Variants in ZNF774 observed in about 807,000 individuals in gnomAD.
The protein encoded by ZNF774 is zinc finger protein 774.
A neutral mutation model predicts 11.1 loss-of-function variants in ZNF774; 14 were observed. That is an observed-to-expected ratio of 1.26 (90% CI 0.83 to 1.97). The LOEUF is 1.97. Among genes scored for constraint, ZNF774 ranks in the 30% most tolerant of loss-of-function variants. ZNF774 has a pLI of 0.00. For missense variants in ZNF774, 599 were observed against 587.0 expected (o/e 1.02, Z -0.21); for synonymous variants, 195 against 212.6 (o/e 0.92, Z 0.72).
At position 90,360,588 on chromosome 15, in the gene ZNF774, C is replaced by G. The variant is rs140260727; in HGVS notation, c.757C>G (p.His253Asp). The G allele has an allele frequency of 1.5e-5, 24 of 1,613,980 alleles. No individual in the cohort carries two copies. The highest frequency in any genetic ancestry group is 1.9e-5 in the Non-Finnish European group (22 of 1,180,018). Residue 253 changes from histidine to aspartate, a missense_variant, in exon 4 of 4, where the codon CAC (histidine) becomes GAC (aspartate). Physicochemically the swap from His to Asp is moderately conservative, Grantham distance 81. Transcript: ENST00000354377. ...TGGGCGGAAGCCACACCTCATAATG[C>G]ACCAAAGAACCCACACAGGCGAGAA... ...TFGRKPHLIM[H>D]QRTHTGEKPY...
At position 90,360,597 on chromosome 15, in the gene ZNF774, A is replaced by G; in HGVS notation, c.766A>G (p.Thr256Ala). ...GCCACACCTCATAATGCACCAAAGA[A>G]CCCACACAGGCGAGAAGCCCTACGC... ...RKPHLIMHQR[T>A]HTGEKPYACL... is the part of the protein sequence containing the mutation. The change falls in exon 4 of 4, where the codon ACC (threonine) becomes GCC (alanine). Residue 256 changes from threonine to alanine, a missense_variant. Physicochemically the swap from Thr to Ala is moderately conservative, Grantham distance 58. Transcript: ENST00000354377. 6.2e-7 allele frequency: 1 copy of G among 1,614,152 alleles called. No homozygotes were observed. Among genetic ancestry groups the G allele is most frequent in the Non-Finnish European group, 8.5e-7 (1 of 1,180,030 alleles).
chr15:90,355,855 C>G (rs1964238914), intron 2 of ZNF774, among the ~76,000 whole-genome samples: 1 of 150,956 alleles, frequency 6.6e-6, no homozygotes, highest in Non-Finnish European at 1.5e-5. Flanking sequence ...ATGGTGAAAC[C>G]CCGTCTTACT....
rs1964351972 is a variant in ZNF774 at position 90,362,601 on chromosome 15, A to T, written c.*1318A>T. ...ACATTCAATTGAAATAAATTGAGGG[A>T]CGGCAAGTGTGTTGGAAAGAACACC... is the stretch of plus-strand genomic sequence containing the variant. On this transcript the variant is annotated 3_prime_UTR_variant, in exon 4 of 4. Transcript: ENST00000354377. 6.5e-7 allele frequency: 1 copy of T among 1,534,050 alleles called. No homozygotes were observed. Among genetic ancestry groups the T allele is most frequent in the South Asian group, 1.2e-5 (1 of 84,024 alleles).
At chr15:90,357,883 T>G (rs892839953) in intron 2 of ZNF774, among the ~76,000 whole-genome samples, 1 of 149,764 alleles carries the variant, frequency 6.7e-6, no homozygotes, top group Non-Finnish European at 1.5e-5. Context: ...CAATGGATCT[T>G]ATTCTTATCC....
chr15:90,361,443 A>C lies in ZNF774; in HGVS notation c.*160A>C. 5 of 1,436,194 alleles carry C rather than the reference A, an allele frequency of 3.5e-6. No individual in the cohort carries two copies. The highest frequency in any genetic ancestry group is 4.5e-6 in the Non-Finnish European group (5 of 1,100,376). The allele number at this position is 1,436,194 out of a possible 1,614,324, so 89.0% of individuals were successfully genotyped here. ...GTTATAACAGAGAGGATAAACTTAA[A>C]GGGTCCAAATAACGGTCCGAATACA... On this transcript the variant is annotated 3_prime_UTR_variant, in exon 4 of 4. Coordinates refer to ENST00000354377, the MANE Select transcript of ZNF774 (RefSeq NM_001004309.3).
rs776864908 is a variant in ZNF774, at chr15:90,360,360, A to T, written c.529A>T (p.Arg177Trp). ...ACACCTAAGAACCCACACTGGCGAG[A>T]GGCCCTATACGTGCATTGAGTGTGG... ...IRHLRTHTGE[R>W]PYTCIECGKG... The change falls in exon 4 of 4, where the codon AGG (arginine) becomes TGG (tryptophan). Residue 177 changes from arginine (R) to tryptophan (W), a missense_variant. Coordinates refer to ENST00000354377, the MANE Select transcript of ZNF774 (RefSeq NM_001004309.3). The T allele has an allele frequency of 6.2e-7, 1 of 1,614,180 alleles. No individual in the cohort carries two copies. The highest frequency in any genetic ancestry group is 1.7e-5 in the Admixed American group (1 of 60,016).
In ZNF774 at chr15:90,360,578, C is replaced by G. The variant is rs1213966170; in HGVS notation, c.747C>G (p.His249Gln). 1.2e-6 allele frequency: 2 copies of G among 1,612,634 alleles called. No homozygotes were observed. The highest frequency in any genetic ancestry group is 1.7e-6 in the Non-Finnish European group (2 of 1,179,650). ...GAAAGACTTTTGGGCGGAAGCCACACCTCATAATGCACCAAAGAACCCACA... is the reference window on the plus strand; with the variant it reads ...GAAAGACTTTTGGGCGGAAGCCACAGCTCATAATGCACCAAAGAACCCACA... ...ECGKTFGRKP[H>Q]LIMHQRTHTG... is the part of the protein sequence containing the mutation. The change falls in exon 4 of 4, where the codon CAC becomes CAG. Residue 249 changes from histidine to glutamine, a missense_variant. Physicochemically the swap from His to Gln is conservative, Grantham distance 24. Transcript: ENST00000354377.
intron 1 of ZNF774, among the ~76,000 whole-genome samples, chr15:90,354,339 G>C (rs1964215040): frequency 6.6e-6 from 1 of 152,190 alleles, no homozygotes; most frequent in Non-Finnish European, 1.5e-5. Flanking sequence ...TCTCTCCTTT[G>C]TTTACCTTGT....
At position 90,362,634 on chromosome 15, in the gene ZNF774, T is replaced by C. The variant is rs1372984846; in HGVS notation, c.*1351T>C. 4.7e-6 allele frequency: 7 copies of C among 1,492,164 alleles called. No individual in the cohort carries two copies. Among genetic ancestry groups the C allele is most frequent in the African/African-American group, 2.8e-5 (2 of 72,098 alleles). 92.4% of individuals were successfully genotyped at this position (1,492,164 alleles called of 1,614,324 possible). On this transcript the variant is annotated 3_prime_UTR_variant, in exon 4 of 4. Transcript: ENST00000354377. ...TGTGTTGGAAAGAACACCGACTTCA[T>C]TGAGAAGGTAAAGTATTTGAGTCCT...
chr15:90,356,994 GT>G (rs1456454954), intron 2 of ZNF774, among the ~76,000 whole-genome samples: 1 of 150,166 alleles, frequency 6.7e-6, no homozygotes, highest in African/African-American at 2.5e-5. Context: ...CTTTTAGCTC[GT>G]TTTTTAAAAA....
chr15:90,354,571 T>G, intron 1 of ZNF774, 71 bp from the exon 2 acceptor site: 2 of 1,057,764 alleles, frequency 1.9e-6, no homozygotes, highest in Non-Finnish European at 2.8e-6. Context: ...CTGGTGGCCA[T>G]TTTTTGGCTT....
chr15:90,362,782 C>T lies in ZNF774; in HGVS notation c.*1499C>T, dbSNP rs1018742436. ...ACACACACACACACACACACACACA[C>T]ACACTTTGTTGGTTAACTATAAATG... On this transcript the variant is annotated 3_prime_UTR_variant, in exon 4 of 4. Coordinates refer to ENST00000354377, the MANE Select transcript of ZNF774 (RefSeq NM_001004309.3). 9.9e-6 allele frequency: 5 copies of T among 505,230 alleles called. No homozygotes were observed. Among genetic ancestry groups the T allele is most frequent in the African/African-American group, 8.8e-5 (4 of 45,642 alleles). The allele number at this position is 505,230 out of a possible 1,614,324, so 31.3% of individuals were successfully genotyped here. A position where few individuals can be genotyped will look rare whatever the true frequency, so the allele number is the denominator to read the frequency against.
chr15:90,356,738 AACC>A (rs1344041115), intron 2 of ZNF774, among the ~76,000 whole-genome samples: 3 of 152,220 alleles, frequency 2.0e-5, no homozygotes, highest in Non-Finnish European at 4.4e-5. Flanking sequence ...CACTTAAAAT[AACC>A]ACCTAGTATT....
rs59687959 is a variant in ZNF774, at chr15:90,362,748, TACACACACACACAC to T, written c.*1490_*1503del. On this transcript the variant is annotated 3_prime_UTR_variant, in exon 4 of 4. Coordinates refer to ENST00000354377, the MANE Select transcript of ZNF774 (RefSeq NM_001004309.3). Reference sequence around the variant, plus strand: ...CAAGGTTGTTGTGAGGATCTAAAAATACACACACACACACACACACACACACACACACACACACT... The same window carrying T: ...CAAGGTTGTTGTGAGGATCTAAAAATACACACACACACACACACACACACT... The T allele has an allele frequency of 2.3e-3, 1,106 of 489,508 alleles. 1 individual carries two copies. The highest frequency in any genetic ancestry group is 3.1e-3 in the Non-Finnish European group (842 of 271,664). 30.3% of individuals were successfully genotyped at this position (489,508 alleles called of 1,614,324 possible).
chr15:90,359,601 C>T (rs1423077109), intron 3 of ZNF774, among the ~76,000 whole-genome samples: 2 of 151,998 alleles, frequency 1.3e-5, no homozygotes, highest in Middle Eastern at 3.2e-3. Context: ...ACTATAGGCA[C>T]CCGCCACCAC....
At chr15:90,355,845 A>G (rs1405070078) in intron 2 of ZNF774, among the ~76,000 whole-genome samples, 1 of 151,316 alleles carries the variant, frequency 6.6e-6, no homozygotes, top group African/African-American at 2.4e-5. Context: ...CCTGGCTAAC[A>G]TGGTGAAACC....
Position 90,361,153 on chromosome 15 carries a change from A to T in ZNF774, c.1322A>T (p.Asn441Ile), listed in dbSNP as rs761997361. The T allele has an allele frequency of 1.2e-6, 2 of 1,614,186 alleles. No homozygotes were observed. The highest frequency in any genetic ancestry group is 2.2e-5 in the South Asian group (2 of 91,078). Residue 441 changes from asparagine to isoleucine, a missense_variant, in exon 4 of 4, where the codon AAT becomes ATT. Transcript: ENST00000354377. ...YRCPECGKTF[N>I]QRSHFLTHQR... ...TGTCCTGAGTGTGGCAAGACCTTCA[A>T]TCAGCGTTCCCATTTCCTCACACAC...
At position 90,361,229 on chromosome 15, in the gene ZNF774, G is replaced by C; in HGVS notation, c.1398G>C (p.Lys466Asn). The C allele has an allele frequency of 6.2e-7, 1 of 1,611,834 alleles. No homozygotes were observed. The highest frequency in any genetic ancestry group is 8.5e-7 in the Non-Finnish European group (1 of 1,178,962). ...EKPFHCSKCN[K>N]SFRQKAHLLC... ...CTTTCCACTGTAGTAAATGTAACAA[G>C]AGCTTCCGTCAGAAAGCGCATCTTT... is the stretch of plus-strand genomic sequence containing the variant. Residue 466 changes from lysine to asparagine, a missense_variant, in exon 4 of 4, where the codon AAG becomes AAC. By Grantham distance (94) the Lys-to-Asn change is moderately conservative. Coordinates refer to ENST00000354377, the MANE Select transcript of ZNF774 (RefSeq NM_001004309.3).
rs752897041 is a variant in ZNF774 at position 90,360,896 on chromosome 15, C to G, written c.1065C>G (p.Ser355Arg). ...RPFSCPDCHK[S>R]FSQSSHLVTH... The stretch of plus-strand genomic sequence containing the variant: ...TCAGTTGTCCTGACTGCCACAAAAG[C>G]TTCAGTCAGAGCTCACATTTGGTCA... Residue 355 changes from serine (S) to arginine (R), a missense_variant, in exon 4 of 4, where the codon AGC (serine) becomes AGG (arginine). Transcript: ENST00000354377. 5 of 1,614,098 alleles carry G rather than the reference C, an allele frequency of 3.1e-6. No homozygotes were observed. The East Asian group carries it at 8.9e-5, about 29-fold the overall frequency.
Sources: gnomAD v4.1 joint callset for allele counts (sites outside exome capture counted in the v4.1 genomes callset) on GRCh38, gnomAD v4.1.1 for gene constraint, MANE v1.5 for transcripts, NCBI Gene and HGNC (gene_info 2026-07-23, HGNC 2026-07-21) for gene names.